TBC1D4: variants seen among roughly 807,000 people sequenced by gnomAD.
The protein encoded by TBC1D4 is TBC1 domain family member 4.
Under a neutral mutation model 142.5 loss-of-function variants are expected in TBC1D4, and 121 were observed. The observed-to-expected ratio is 0.85, with a 90% CI of 0.73 to 0.99. The LOEUF (loss-of-function observed/expected upper bound fraction) is 0.99, where lower values mean the gene tolerates loss of function less well. Among genes scored for constraint, TBC1D4 ranks in the 50% least tolerant of loss-of-function variants. The probability of loss-of-function intolerance (pLI) is 0.00; values close to 1 mark genes in which losing one functional copy is unlikely to be tolerated. For synonymous variants in TBC1D4, 630 were observed against 628.2 expected (o/e 1.00, Z -0.04); for missense variants, 1,475 against 1,606.6 (o/e 0.92, Z 1.40).
chr13:75,409,405 G>A (rs1408777057), intron 1 of TBC1D4, among the ~76,000 whole-genome samples: 2 of 152,054 alleles, frequency 1.3e-5, no homozygotes, highest in Non-Finnish European at 2.9e-5. Flanking sequence ...TTAGAAATAG[G>A]AAAGTAATGG....
Position 75,338,208 on chromosome 13 carries a change from C to T in TBC1D4, c.1612-1168G>A, listed in dbSNP as rs537034661. Among the ~76,000 whole-genome samples the T allele has an allele frequency of 3.0e-3, 447 of 151,204 alleles. 4 individuals are homozygous for T. The highest frequency in any genetic ancestry group is 0.01 in the African/African-American group (427 of 41,136). On this transcript the variant is annotated intron_variant, in intron 7 of 20. Coordinates refer to ENST00000377636, the MANE Select transcript of TBC1D4 (RefSeq NM_014832.5). ...AGTCTATGTAGGAGGCAATAAGGGC[C>T]CACACTAGCACCAGCTCCATCAAAT...
At chr13:75,481,152 G>A in intron 1 of TBC1D4, 118 bp downstream of exon 1, 1 of 1,413,786 alleles carries the variant, frequency 7.1e-7, no homozygotes, top group Non-Finnish European at 9.3e-7. Context: ...CACGTGGAGC[G>A]CGCGCGCCTG....
chr13:75,407,722 C>T (rs929598037), intron 1 of TBC1D4, among the ~76,000 whole-genome samples: 4 of 152,152 alleles, frequency 2.6e-5, no homozygotes, highest in Middle Eastern at 3.4e-3. Context: ...CAGCTGAAAC[C>T]ACAAGTTTTT....
chr13:75,438,484 C>T (rs1225106125), intron 1 of TBC1D4, among the ~76,000 whole-genome samples: 4 of 152,106 alleles, frequency 2.6e-5, no homozygotes, highest in Non-Finnish European at 4.4e-5. Flanking sequence ...GGGGCAAATC[C>T]AATCAATGTC....
At chr13:75,352,317 A>G (rs1881665781) in intron 4 of TBC1D4, among the ~76,000 whole-genome samples, 1 of 152,084 alleles carries the variant, frequency 6.6e-6, no homozygotes, top group Non-Finnish European at 1.5e-5. Context: ...TTTCATTTCT[A>G]ATGAAATACC....
chr13:75,310,523 A>G (rs1222882675), intron 13 of TBC1D4, among the ~76,000 whole-genome samples: 2 of 152,154 alleles, frequency 1.3e-5, no homozygotes, highest in African/African-American at 4.8e-5. Context: ...GTGATCTCCG[A>G]AGGTCTACAT....
At chr13:75,381,988 T>G (rs1413499573) in intron 1 of TBC1D4, among the ~76,000 whole-genome samples, 1 of 151,504 alleles carries the variant, frequency 6.6e-6, no homozygotes, top group Non-Finnish European at 1.5e-5. Flanking sequence ...ACAGAAAGAG[T>G]TGAACACTAG....
At position 75,286,837 on chromosome 13, in the gene TBC1D4, T is replaced by A. The variant is rs771900533; in HGVS notation, c.3852A>T (p.Leu1284=). 4 of 1,613,974 alleles carry A rather than the reference T, an allele frequency of 2.5e-6. No individual in the cohort carries two copies. The highest frequency in any genetic ancestry group is 3.4e-6 in the Non-Finnish European group (4 of 1,179,966). ...LVNCDLLLRD[L]NCNPNNKAKI... ...TGGCTTTGTTGTTAGGGTTGCAGTTTAGGTCTCTCAGCAACAGGTCACAAT... is the reference window on the plus strand; with the variant it reads ...TGGCTTTGTTGTTAGGGTTGCAGTTAAGGTCTCTCAGCAACAGGTCACAAT... Residue 1284 remains leucine (L), a synonymous_variant, in exon 21 of 21, where the codon CTA becomes CTT. Coordinates refer to ENST00000377636, the MANE Select transcript of TBC1D4 (RefSeq NM_014832.5).
chr13:75,455,524 T>C (rs1025706907), intron 1 of TBC1D4, among the ~76,000 whole-genome samples: 2 of 152,174 alleles, frequency 1.3e-5, no homozygotes, highest in Non-Finnish European at 2.9e-5. Flanking sequence ...GGAGGATCCC[T>C]TGAGCCTAGG....
chr13:75,401,935 T>C (rs1316287099), intron 1 of TBC1D4, among the ~76,000 whole-genome samples: 2 of 152,220 alleles, frequency 1.3e-5, no homozygotes, highest in Non-Finnish European at 1.5e-5. Flanking sequence ...ATTATTCAAA[T>C]CATGAAAACC....
intron 10 of TBC1D4, 131 bp from the exon 11 acceptor site, chr13:75,324,532 T>C: frequency 1.9e-6 from 2 of 1,066,866 alleles, no homozygotes; most frequent in Non-Finnish European, 2.7e-6. Context: ...GGGCTGGATC[T>C]TACATGAAAA....
chr13:75,312,425 AAAGAAAGAAAG>A (rs1566366295), intron 13 of TBC1D4, among the ~76,000 whole-genome samples: 1 of 65,250 alleles, frequency 1.5e-5, no homozygotes, highest in Non-Finnish European at 5.0e-5. Context: ...GGAAAAAAAA[AAAGAAAGAAAG>A]AAAGAAAGAA....
chr13:75,393,114 A>AAC lies in TBC1D4; in HGVS notation c.499-30508_499-30507insGT, dbSNP rs1430083859. ...CAAAAAATACATAAATTTAAATTAA[A>AAC]ATACACACACACACACACACACACA... is the stretch of plus-strand genomic sequence containing the variant. On this transcript the variant is annotated intron_variant, in intron 1 of 20. Coordinates refer to ENST00000377636, the MANE Select transcript of TBC1D4 (RefSeq NM_014832.5). 3.3e-4 allele frequency among the ~76,000 whole-genome samples: 31 copies of AAC among 94,112 alleles called. No homozygotes were observed. In the East Asian group the frequency reaches 1.0e-2, roughly 30 times the overall value. 61.7% of individuals were successfully genotyped at this position (94,112 alleles called of 152,430 possible).
At chr13:75,370,053 A>G (rs976675747) in intron 1 of TBC1D4, among the ~76,000 whole-genome samples, 1 of 152,194 alleles carries the variant, frequency 6.6e-6, no homozygotes, top group Non-Finnish European at 1.5e-5. Flanking sequence ...GACTCTCTAT[A>G]AGATGATATA....
intron 10 of TBC1D4, among the ~76,000 whole-genome samples, chr13:75,325,388 A>T (rs1414263892): frequency 6.6e-6 from 1 of 151,882 alleles, no homozygotes; most frequent in African/African-American, 2.4e-5. Flanking sequence ...TATAAAAATT[A>T]GCCTTCTCCT....
Position 75,386,837 on chromosome 13 carries a change from C to T in TBC1D4, c.499-24230G>A, listed in dbSNP as rs1210496149. 6.6e-5 allele frequency among the ~76,000 whole-genome samples: 10 copies of T among 152,240 alleles called. No homozygotes were observed. In the East Asian group the frequency reaches 1.2e-3, roughly 18 times the overall value. ...TAATATAGGTATAAAATTTTGAATA[C>T]GCAGACTCATTCTAAACAAAAAGTT... is the stretch of plus-strand genomic sequence containing the variant. On this transcript the variant is annotated intron_variant, in intron 1 of 20. Coordinates refer to ENST00000377636, the MANE Select transcript of TBC1D4 (RefSeq NM_014832.5).
intron 1 of TBC1D4, among the ~76,000 whole-genome samples, chr13:75,460,102 C>T (rs1887902427): frequency 6.6e-6 from 1 of 151,994 alleles, no homozygotes; most frequent in African/African-American, 2.4e-5. Flanking sequence ...GAGATCGCGC[C>T]ACTGCACTGC....
intron 1 of TBC1D4, among the ~76,000 whole-genome samples, chr13:75,377,871 A>G (rs1308499267): frequency 6.6e-6 from 1 of 151,828 alleles, no homozygotes; most frequent in Non-Finnish European, 1.5e-5. Flanking sequence ...CTTTGCTACA[A>G]TGAATATATA....
In TBC1D4 at chr13:75,481,455, T is replaced by C. The variant is rs1259721288; in HGVS notation, c.313A>G (p.Thr105Ala). The C allele has an allele frequency of 1.9e-6, 3 of 1,613,654 alleles. No individual in the cohort carries two copies. The highest frequency in any genetic ancestry group is 1.7e-4 in the Middle Eastern group (1 of 6,060). Residue 105 changes from threonine to alanine, a missense_variant, in exon 1 of 21, where the codon ACT becomes GCT. Physicochemically the swap from Thr to Ala is moderately conservative, Grantham distance 58. Transcript: ENST00000377636. ...TTGGGCTGCGTGGCCGACGGACTAG[T>C]GCCCCCCGAGGCCCCAGCGCCCGGC... ...PAPGAGASGG[T>A]SPSATQPNPA...
Sources: gnomAD v4.1 joint callset for allele counts (sites outside exome capture counted in the v4.1 genomes callset) on GRCh38, gnomAD v4.1.1 for gene constraint, MANE v1.5 for transcripts, NCBI Gene and HGNC (gene_info 2026-07-23, HGNC 2026-07-21) for gene names.